Variants in ZNF184 observed in about 807,000 individuals in gnomAD.
ZNF184 encodes zinc finger protein 184 (Kruppel-like).
Under a neutral mutation model 54.4 loss-of-function variants are expected in ZNF184, and 16 were observed. The ratio of observed to expected loss-of-function variants is 0.29; its 90% CI spans 0.20 to 0.45. The LOEUF is 0.45. Ranked by LOEUF, ZNF184 falls within the 20% of genes least tolerant of loss-of-function variation. The pLI is 1.00. For synonymous variants in ZNF184, 254 were observed against 295.3 expected, an observed-to-expected ratio of 0.86 and a Z score of 1.43; for missense variants, 681 against 888.2, an observed-to-expected ratio of 0.77 and a Z score of 2.97.
At chr6:27,414,362 T>C in the ZNF184 span, among the ~76,000 whole-genome samples, 65 of 152,326 alleles carry the variant, frequency 4.3e-4, no homozygotes, top group African/African-American at 1.5e-3. Context: ...ACTCAGAATC[T>C]TCCGGTAGCT....
the ZNF184 span, chr6:27,406,511 C>T: frequency 6.6e-6 from 1 of 152,374 alleles, no homozygotes; most frequent in African/African-American, 2.4e-5. Context: ...GTATCCCCTA[C>T]CAAGCCGGGC....
chr6:27,451,471 T>A lies in ZNF184; in HGVS notation c.2088A>T (p.Lys696Asn). ...TTCTGCATTCATTACAGTTATAAGG[T>A]TTCTCTCCAGTATGAGTATTCTGAT... The part of the protein sequence containing the change: ...TEHQNTHTGE[K>N]PYNCNECRKT... The change falls in exon 6 of 6, where the codon AAA becomes AAT. Residue 696 changes from lysine (K) to asparagine (N), a missense_variant. Coordinates refer to ENST00000683788, the MANE Select transcript of ZNF184 (RefSeq NM_001318891.2). 6.2e-7 allele frequency: 1 copy of A among 1,614,112 alleles called. No individual in the cohort carries two copies. The highest frequency in any genetic ancestry group is 8.5e-7 in the Non-Finnish European group (1 of 1,179,978).
chr6:27,457,370 G>C lies in ZNF184; in HGVS notation c.115C>G (p.Gln39Glu). 6.2e-7 allele frequency: 1 copy of C among 1,613,912 alleles called. No homozygotes were observed. Among genetic ancestry groups the C allele is most frequent in the Non-Finnish European group, 8.5e-7 (1 of 1,179,930 alleles). Residue 39 changes from glutamine (Q) to glutamate (E), a missense_variant, in exon 4 of 6, where the codon CAG (glutamine) becomes GAG (glutamate). Transcript: ENST00000683788. The part of the protein sequence containing the change: ...TFKDVIVDFT[Q>E]EEWKQLDPGQ... ...GGGTCCAGCTGTTTCCATTCTTCCT[G>C]GGTAAAGTCCACTATCACATCCTTG...
At chr6:27,467,255 A>C (rs1214176354) in intron 3 of ZNF184, among the ~76,000 whole-genome samples, 1 of 151,942 alleles carries the variant, frequency 6.6e-6, no homozygotes, top group Non-Finnish European at 1.5e-5. Flanking sequence ...CACCTTTCTT[A>C]CATTTACCTG....
chr6:27,409,224 C>T, the ZNF184 span, among the ~76,000 whole-genome samples: 1 of 151,928 alleles, frequency 6.6e-6, no homozygotes, highest in Admixed American at 6.6e-5. Flanking sequence ...CATGGCTGAG[C>T]GCAGGTGGCT....
chr6:27,416,087 T>A, the ZNF184 span, among the ~76,000 whole-genome samples: 1 of 152,196 alleles, frequency 6.6e-6, no homozygotes, highest in South Asian at 2.1e-4. Flanking sequence ...TGTCCAAATT[T>A]TCCCTTTTAA....
At chr6:27,461,616 C>T (rs192364810) in intron 3 of ZNF184, among the ~76,000 whole-genome samples, 22 of 152,306 alleles carry the variant, frequency 1.4e-4, no homozygotes, top group Admixed American at 7.8e-4. Flanking sequence ...CAAAAGTCTC[C>T]ATCACACTGA....
At chr6:27,406,115 C>T in the ZNF184 span, 2 of 152,296 alleles carry the variant, frequency 1.3e-5, no homozygotes, top group Non-Finnish European at 2.9e-5. Flanking sequence ...CCTGCAGCAA[C>T]ACTATGAAAG....
chr6:27,462,788 C>T (rs1763030469), intron 3 of ZNF184, among the ~76,000 whole-genome samples: 1 of 150,786 alleles, frequency 6.6e-6, no homozygotes, highest in Non-Finnish European at 1.5e-5. Flanking sequence ...CCGCTTGAAC[C>T]CAGGAGGCAG....
chr6:27,427,826 T>A, the ZNF184 span, among the ~76,000 whole-genome samples: 1 of 152,222 alleles, frequency 6.6e-6, no homozygotes, highest in Non-Finnish European at 1.5e-5. Context: ...TCACAATAGC[T>A]GGGAGTGCCA....
chr6:27,448,029 G>A (rs1762657637), downstream of ZNF184, among the ~76,000 whole-genome samples: 1 of 152,222 alleles, frequency 6.6e-6, no homozygotes. Context: ...TCCATTTCTT[G>A]ACCTAGATGA....
At chr6:27,419,527 C>CAGATAGATAGAT in the ZNF184 span, among the ~76,000 whole-genome samples, 374 of 149,132 alleles carry the variant, frequency 2.5e-3, 1 homozygote, top group African/African-American at 3.9e-3. This position sits in a 1 kb window ranked among gnomAD's most constrained non-coding sequence, Gnocchi z 4.8. Flanking sequence ...TTTCAATATT[C>CAGATAGATAGAT]AGATAGATAG....
chr6:27,451,261 A>G lies in ZNF184; in HGVS notation c.*42T>C, dbSNP rs1178795142. 2 of 1,528,138 alleles carry G rather than the reference A, an allele frequency of 1.3e-6. No homozygotes were observed. The highest frequency in any genetic ancestry group is 2.3e-5 in the East Asian group (1 of 44,188). 94.7% of individuals were successfully genotyped at this position (1,528,138 alleles called of 1,614,324 possible). On this transcript the variant is annotated 3_prime_UTR_variant, in exon 6 of 6. Coordinates refer to ENST00000683788, the MANE Select transcript of ZNF184 (RefSeq NM_001318891.2). ...TCAGTACTTAACAAAAGGACAAACT[A>G]AAGTAAATATCTCCCCTAAATTTAT...
the ZNF184 span, among the ~76,000 whole-genome samples, chr6:27,425,109 C>G: frequency 8.5e-5 from 13 of 152,322 alleles, no homozygotes; most frequent in African/African-American, 2.9e-4. Flanking sequence ...CAGGGCCGGC[C>G]GGCTGCTCCG....
chr6:27,444,960 T>C, the ZNF184 span, among the ~76,000 whole-genome samples: 4 of 152,208 alleles, frequency 2.6e-5, no homozygotes, highest in Non-Finnish European at 5.9e-5. Flanking sequence ...ATGAAAACGT[T>C]GGCAAAGATC....
chr6:27,447,071 TCAAAA>T (rs1762646067), downstream of ZNF184, among the ~76,000 whole-genome samples: 2 of 132,164 alleles, frequency 1.5e-5, no homozygotes, highest in Non-Finnish European at 1.6e-5. Context: ...GCCACTGCAA[TCAAAA>T]AAAAAAAAAA....
intron 3 of ZNF184, among the ~76,000 whole-genome samples, chr6:27,461,148 T>C (rs939833919): frequency 6.6e-6 from 1 of 152,104 alleles, no homozygotes; most frequent in African/African-American, 2.4e-5. Context: ...TAAAGGCCAA[T>C]GTGATCAGCA....
the ZNF184 span, among the ~76,000 whole-genome samples, chr6:27,416,529 G>A: frequency 6.6e-6 from 1 of 152,132 alleles, no homozygotes; most frequent in Non-Finnish European, 1.5e-5. Flanking sequence ...TAACAACCAT[G>A]AGAAGGACTT....
At chr6:27,415,864 G>T in the ZNF184 span, among the ~76,000 whole-genome samples, 1 of 152,166 alleles carries the variant, frequency 6.6e-6, no homozygotes, top group African/African-American at 2.4e-5. Flanking sequence ...AAACTGGGTG[G>T]CTTAAACAAC....
Sources: gnomAD v4.1 joint callset for allele counts (sites outside exome capture counted in the v4.1 genomes callset) on GRCh38, gnomAD v4.1.1 for gene constraint, Gnocchi (gnomAD v3.1) non-coding constraint, MANE v1.5 for transcripts, NCBI Gene and HGNC (gene_info 2026-07-23, HGNC 2026-07-21) for gene names.